Variants in IL7 observed in about 807,000 individuals in gnomAD.
IL7 encodes the protein interleukin-7.
IL7 carries 3 observed loss-of-function variants against 21.6 expected under a neutral mutation model. The observed-to-expected ratio is 0.14, with a 90% CI of 0.06 to 0.36. The LOEUF is 0.36. IL7 is among the 10% of genes least tolerant of loss of function. The pLI, the probability that IL7 is intolerant of heterozygous loss-of-function variation, is 1.00. For synonymous variants in IL7, 62 were observed against 68.1 expected, an observed-to-expected ratio of 0.91 and a Z score of 0.44; for missense variants, 175 against 200.2, an observed-to-expected ratio of 0.87 and a Z score of 0.76.
chr8:78,697,664 G>A (rs1810467752), intron 3 of IL7, among the ~76,000 whole-genome samples: 1 of 151,088 alleles, frequency 6.6e-6, no homozygotes, highest in African/African-American at 2.4e-5. Flanking sequence ...ATAACTTTGA[G>A]TAGTTTCTAC....
At chr8:78,742,076 G>A (rs755919417) in intron 2 of IL7, among the ~76,000 whole-genome samples, 12 of 152,034 alleles carry the variant, frequency 7.9e-5, no homozygotes, top group Non-Finnish European at 1.6e-4. Context: ...CCCTTTGGGA[G>A]GCCAAAGTGG....
intron 1 of IL7, among the ~76,000 whole-genome samples, chr8:78,801,906 G>A (rs1042488062): frequency 6.6e-6 from 1 of 152,136 alleles, no homozygotes; most frequent in South Asian, 2.1e-4. Context: ...ATCACATAGA[G>A]AGTAACATAT....
At chr8:78,690,105 G>A (rs1168636076) in intron 3 of IL7, among the ~76,000 whole-genome samples, 3 of 152,166 alleles carry the variant, frequency 2.0e-5, no homozygotes, top group Non-Finnish European at 4.4e-5. Flanking sequence ...GAAATCAGAT[G>A]AATATAAATG....
At chr8:78,675,612 T>G, downstream of IL7, 1 of 560,788 alleles carries the variant, frequency 1.8e-6, no homozygotes, top group East Asian at 3.1e-5. Flanking sequence ...TTTTCACCAC[T>G]GATAACTAAG....
chr8:78,767,726 A>G (rs1011225798), intron 2 of IL7, among the ~76,000 whole-genome samples: 1 of 152,002 alleles, frequency 6.6e-6, no homozygotes, highest in Admixed American at 6.6e-5. Flanking sequence ...CCATTTCTCT[A>G]TTATTGATAT....
chr8:78,776,918 T>G (rs767061482), intron 2 of IL7, among the ~76,000 whole-genome samples: 21 of 152,032 alleles, frequency 1.4e-4, no homozygotes, highest in Non-Finnish European at 2.8e-4. Context: ...TATAAATTAC[T>G]CCCTGGCAGA....
At chr8:78,781,808 C>G (rs577178527) in intron 2 of IL7, among the ~76,000 whole-genome samples, 1 of 152,240 alleles carries the variant, frequency 6.6e-6, no homozygotes, top group African/African-American at 2.4e-5. Flanking sequence ...TATCCTAAAG[C>G]ATGTTTTCCA....
chr8:78,766,879 A>G (rs1812771607), intron 2 of IL7, among the ~76,000 whole-genome samples: 1 of 152,100 alleles, frequency 6.6e-6, no homozygotes, highest in African/African-American at 2.4e-5. Flanking sequence ...TATTTTTAAA[A>G]TAATTTGTGC....
intron 2 of IL7, 67 bp from the exon 3 acceptor site, chr8:78,740,149 A>C: frequency 4.3e-6 from 4 of 937,858 alleles, no homozygotes; most frequent in Non-Finnish European, 5.8e-6. Context: ...GTAATTATAA[A>C]AAATAATAAT....
intron 3 of IL7, among the ~76,000 whole-genome samples, chr8:78,687,156 G>A (rs1810008337): frequency 6.6e-6 from 1 of 151,994 alleles, no homozygotes; most frequent in South Asian, 2.1e-4. Context: ...TTGCAACCTT[G>A]TATGAGATAC....
At chr8:78,791,732 G>A (rs879593413) in intron 2 of IL7, among the ~76,000 whole-genome samples, 1 of 151,950 alleles carries the variant, frequency 6.6e-6, no homozygotes, top group African/African-American at 2.4e-5. Flanking sequence ...GAATGAAAAC[G>A]GATCTTGAGA....
In IL7 at chr8:78,733,981, C is replaced by A. The variant is rs1215708119; in HGVS notation, c.415-149G>T. 9.0e-6 allele frequency: 5 copies of A among 557,784 alleles called. No homozygotes were observed. The Admixed American group carries it at 2.2e-4, about 24-fold the overall frequency. 34.6% of individuals were successfully genotyped at this position (557,784 alleles called of 1,614,324 possible). A position where few individuals can be genotyped will look rare whatever the true frequency, so the allele number is the denominator to read the frequency against. On this transcript the variant is annotated intron_variant, in intron 5 of 5. Coordinates refer to ENST00000263851, the MANE Select transcript of IL7 (RefSeq NM_000880.4). ...TGTGACATTTTAAAGACGATGATTT[C>A]TAACTATCTTTGTGATAACTGACAT...
intron 3 of IL7, among the ~76,000 whole-genome samples, chr8:78,722,688 G>A (rs1204099909): frequency 6.6e-6 from 1 of 151,888 alleles, no homozygotes; most frequent in Non-Finnish European, 1.5e-5. Flanking sequence ...GAGTTAAGAT[G>A]CCATATCAAA....
chr8:78,793,844 G>T (rs1177795406), intron 2 of IL7, among the ~76,000 whole-genome samples: 1 of 152,104 alleles, frequency 6.6e-6, no homozygotes, highest in African/African-American at 2.4e-5. Flanking sequence ...CTAATTTTGT[G>T]TAATATCCTA....
chr8:78,720,491 A>T (rs1332828920), intron 5 of IL7, among the ~76,000 whole-genome samples: 2 of 151,872 alleles, frequency 1.3e-5, no homozygotes, highest in Non-Finnish European at 2.9e-5. Context: ...TCATATGTGA[A>T]TTGCTTTTTA....
At chr8:78,733,944 GGTAGAATCCT>G (rs1012849986) in intron 5 of IL7, 112 bp from the exon 6 acceptor site, 1 of 688,676 alleles carries the variant, frequency 1.5e-6, no homozygotes, top group African/African-American at 1.9e-5. Context: ...GCAATGAAAA[GGTAGAATCCT>G]GTGTGACATT....
intron 4 of IL7, among the ~76,000 whole-genome samples, chr8:78,682,769 C>T (rs1196882222): frequency 6.6e-6 from 1 of 152,182 alleles, no homozygotes; most frequent in African/African-American, 2.4e-5. Context: ...CTAAAGTCCA[C>T]AGTTCAATCT....
At chr8:78,766,146 G>C (rs1812746989) in intron 2 of IL7, among the ~76,000 whole-genome samples, 1 of 152,112 alleles carries the variant, frequency 6.6e-6, no homozygotes, top group Non-Finnish European at 1.5e-5. Context: ...ACAGTAAAAA[G>C]ATTCGTGGTT....
intron 5 of IL7, among the ~76,000 whole-genome samples, chr8:78,735,293 G>GTTTTTTTT (rs33976248): frequency 2.9e-5 from 2 of 69,574 alleles, no homozygotes; most frequent in Non-Finnish European, 5.5e-5. Context: ...TTTTTTTTTT[G>GTTTTTTTT]TTTTTTTTTT....
Sources: gnomAD v4.1 joint callset for allele counts (sites outside exome capture counted in the v4.1 genomes callset) on GRCh38, gnomAD v4.1.1 for gene constraint, MANE v1.5 for transcripts, NCBI Gene and HGNC (gene_info 2026-07-23, HGNC 2026-07-21) for gene names.